The following WDFY4 variants were observed in gnomAD, a reference collection of about 807,000 sequenced individuals.
The protein encoded by WDFY4 is WD repeat- and FYVE domain-containing protein 4.
In WDFY4, 169 loss-of-function variants were observed where a neutral mutation model predicts 351.9. The observed-to-expected ratio is 0.48, with a 90% confidence interval of 0.42 to 0.55. WDFY4 has a LOEUF of 0.55. WDFY4 is among the 20% of genes least tolerant of loss of function. The pLI is 0.00. For missense variants in WDFY4, 3,803 were observed against 3,935.6 expected, an observed-to-expected ratio of 0.97 and a Z score of 0.90; for synonymous variants, 1,622 against 1,574.6, an observed-to-expected ratio of 1.03 and a Z score of -0.71.
Position 48,776,896 on chromosome 10 carries a change from T to A in WDFY4, c.3010T>A (p.Ser1004Thr). The stretch of plus-strand genomic sequence containing the variant: ...TCTTCAGACGGCGCTGAGCCTCATC[T>A]CCATGACCTCCCCACGCAACCTGCA... ...TALQTALSLI[S>T]MTSPRNLQPQ... Residue 1004 changes from serine to threonine, a missense_variant, in exon 16 of 62, where the codon TCC (serine) becomes ACC (threonine). Coordinates refer to ENST00000325239, the MANE Select transcript of WDFY4 (RefSeq NM_001394531.1). 6.4e-7 allele frequency: 1 copy of A among 1,552,076 alleles called. No homozygotes were observed. The highest frequency in any genetic ancestry group is 8.7e-7 in the Non-Finnish European group (1 of 1,147,058).
rs1263130455 is a variant in WDFY4 at position 48,877,029 on chromosome 10, G to A, written c.7001-4G>A. ...ACACCACGTGTCCCTTTATGCTGCT[G>A]CAGATGAACTGACACTGAGGGAGGC... is the stretch of plus-strand genomic sequence containing the variant. On this transcript the variant is annotated splice_region_variant and splice_polypyrimidine_tract_variant and intron_variant, in intron 42 of 61. Coordinates refer to ENST00000325239, the MANE Select transcript of WDFY4 (RefSeq NM_001394531.1). 6 of 1,477,728 alleles carry A rather than the reference G, an allele frequency of 4.1e-6. No individual in the cohort carries two copies. In the Admixed American group the frequency reaches 1.3e-4, roughly 31 times the overall value. The allele number at this position is 1,477,728 out of a possible 1,614,324, so 91.5% of individuals were successfully genotyped here.
chr10:48,970,199 A>C lies in WDFY4; in HGVS notation c.8838A>C (p.Thr2946=). The change falls in exon 57 of 62, where the codon ACA becomes ACC. Residue 2946 remains threonine, a synonymous_variant. Coordinates refer to ENST00000325239, the MANE Select transcript of WDFY4 (RefSeq NM_001394531.1). ...TGTGCGCCGTGTGCCCATCCCCAAC[A>C]ACGATTGTCACCTCTGGGACCAGCA... The part of the protein sequence containing the change: ...RCLCAVCPSP[T]TIVTSGTSTV... 1 of 1,551,656 alleles carries C rather than the reference A, an allele frequency of 6.4e-7. No individual in the cohort carries two copies. The highest frequency in any genetic ancestry group is 8.7e-7 in the Non-Finnish European group (1 of 1,146,986).
chr10:48,869,601 G>A (rs535174721), intron 40 of WDFY4, among the ~76,000 whole-genome samples: 4 of 151,436 alleles, frequency 2.6e-5, no homozygotes, highest in Non-Finnish European at 5.9e-5. Context: ...GTCTGGCCCT[G>A]TTCAGATTCC....
At chr10:48,761,426 C>T (rs2065501706) in intron 13 of WDFY4, among the ~76,000 whole-genome samples, 2 of 152,168 alleles carry the variant, frequency 1.3e-5, no homozygotes, top group South Asian at 2.1e-4. Context: ...TTAGGAGTCT[C>T]TGCCTGCGGT....
chr10:48,795,054 G>A (rs2066811001), intron 23 of WDFY4, among the ~76,000 whole-genome samples: 1 of 152,116 alleles, frequency 6.6e-6, no homozygotes, highest in African/African-American at 2.4e-5. Context: ...CCAGGGTTGG[G>A]GCAGTGGAAG....
At chr10:48,862,380 G>A (rs373087070) in intron 39 of WDFY4, among the ~76,000 whole-genome samples, 22 of 152,198 alleles carry the variant, frequency 1.4e-4, no homozygotes, top group South Asian at 6.2e-4. Context: ...CCATGGACCC[G>A]GTATCTGAGC....
chr10:48,691,990 T>C (rs2063207736), intron 1 of WDFY4, among the ~76,000 whole-genome samples: 2 of 152,170 alleles, frequency 1.3e-5, no homozygotes, highest in Admixed American at 6.5e-5. Flanking sequence ...GCCCTGAGAA[T>C]GCCTGTTCTT....
chr10:48,910,109 A>T, intron 47 of WDFY4: 2 of 854,464 alleles, frequency 2.3e-6, no homozygotes, highest in South Asian at 2.9e-5. Flanking sequence ...TGGCTTGGCC[A>T]GCTCCGGCGA....
At chr10:48,933,578 G>A (rs1476055346) in intron 47 of WDFY4, among the ~76,000 whole-genome samples, 1 of 152,164 alleles carries the variant, frequency 6.6e-6, no homozygotes, top group Admixed American at 6.5e-5. Flanking sequence ...CCTAGTCCAG[G>A]TCAAGCCCCA....
intron 12 of WDFY4, among the ~76,000 whole-genome samples, chr10:48,754,600 A>G (rs1358846754): frequency 6.6e-6 from 1 of 151,426 alleles, no homozygotes; most frequent in African/African-American, 2.4e-5. Flanking sequence ...ATGTTATATT[A>G]TACACAATAA....
At position 48,970,273 on chromosome 10, in the gene WDFY4, G is replaced by A; in HGVS notation, c.8912G>A (p.Gly2971Asp). Reference protein sequence around the residue: ...ELSMTKGRPRGLRLRQALYGH... With the variant: ...ELSMTKGRPRDLRLRQALYGH... The stretch of plus-strand genomic sequence containing the variant: ...AGCATGACCAAAGGCCGCCCGAGGG[G>A]CTTGCGCCTCCGGCAGGTATGGTCC... The change falls in exon 57 of 62, where the codon GGC becomes GAC. Residue 2971 changes from glycine (G) to aspartate (D), a missense_variant. Physicochemically the swap from Gly to Asp is moderately conservative, Grantham distance 94. Coordinates refer to ENST00000325239, the MANE Select transcript of WDFY4 (RefSeq NM_001394531.1). The A allele has an allele frequency of 6.4e-7, 1 of 1,551,110 alleles. No individual in the cohort carries two copies. The highest frequency in any genetic ancestry group is 8.7e-7 in the Non-Finnish European group (1 of 1,146,998).
rs561208527 is a variant in WDFY4, at chr10:48,775,105, G to A, written c.2768+433G>A. On this transcript the variant is annotated intron_variant, in intron 14 of 61. Transcript: ENST00000325239. Reference sequence around the variant, plus strand: ...CAGAACCCACCTGGATCCTCCAGGGGGCTTTCCTGCTGTCAGCCTCTACAT... The same window carrying A: ...CAGAACCCACCTGGATCCTCCAGGGAGCTTTCCTGCTGTCAGCCTCTACAT... Among the ~76,000 whole-genome samples, 4 of 152,326 alleles carry A rather than the reference G, an allele frequency of 2.6e-5. No homozygotes were observed. In the East Asian group the frequency reaches 5.8e-4, roughly 22 times the overall value.
intron 17 of WDFY4, 114 bp from the exon 18 acceptor site, chr10:48,778,497 G>T (rs2066110518): frequency 4.7e-6 from 5 of 1,053,828 alleles, no homozygotes; most frequent in Non-Finnish European, 6.9e-6. Context: ...TGGTGATTAG[G>T]CAAGACACCC....
intron 47 of WDFY4, chr10:48,914,050 T>G: frequency 6.2e-7 from 1 of 1,614,230 alleles, no homozygotes; most frequent in African/African-American, 1.3e-5. Flanking sequence ...ATTCCCATCT[T>G]GCTCAAGTCA....
At position 48,723,536 on chromosome 10, in the gene WDFY4, G is replaced by C; in HGVS notation, c.560G>C (p.Ser187Thr). 6.4e-7 allele frequency: 1 copy of C among 1,551,968 alleles called. No individual in the cohort carries two copies. Among genetic ancestry groups the C allele is most frequent in the African/African-American group, 1.4e-5 (1 of 73,162 alleles). ...FPLDKDELLE[S>T]DLQVQKMFVQ... Reference sequence around the variant, plus strand: ...CTGGACAAAGATGAGCTTCTTGAGAGTGATCTTCAAGTTCAAAAGATGTTC... The same window carrying C: ...CTGGACAAAGATGAGCTTCTTGAGACTGATCTTCAAGTTCAAAAGATGTTC... Residue 187 changes from serine (S) to threonine (T), a missense_variant, in exon 5 of 62, where the codon AGT (serine) becomes ACT (threonine). Around this residue, in one of 3 missense-constraint regions of WDFY4, gnomAD observed 488 missense variants for 456.8 expected, o/e 1.07. Transcript: ENST00000325239.
At chr10:48,769,398 G>A (rs1373292106) in intron 13 of WDFY4, among the ~76,000 whole-genome samples, 2 of 152,172 alleles carry the variant, frequency 1.3e-5, no homozygotes, top group African/African-American at 4.8e-5. Flanking sequence ...AAGCTCATCC[G>A]TAGGCCCCAT....
chr10:48,693,952 A>G (rs1204465448), intron 1 of WDFY4, among the ~76,000 whole-genome samples: 1 of 152,188 alleles, frequency 6.6e-6, no homozygotes, highest in Non-Finnish European at 1.5e-5. Flanking sequence ...TTGTGCTTTG[A>G]TGAATCCGGA....
intron 47 of WDFY4, among the ~76,000 whole-genome samples, chr10:48,903,337 T>A (rs1021792999): frequency 1.3e-5 from 2 of 152,092 alleles, no homozygotes; most frequent in Non-Finnish European, 2.9e-5. Context: ...TGATGTGAAC[T>A]GACATATTAA....
At chr10:48,755,461 T>G (rs1198244494) in intron 12 of WDFY4, among the ~76,000 whole-genome samples, 1 of 152,198 alleles carries the variant, frequency 6.6e-6, no homozygotes, top group Non-Finnish European at 1.5e-5. Flanking sequence ...GCCATGAAGA[T>G]TTTCTCCTAT....
Sources: gnomAD v4.1 joint callset for allele counts (sites outside exome capture counted in the v4.1 genomes callset) on GRCh38, gnomAD v4.1.1 for gene constraint, gnomAD v4.1.1 regional missense constraint, MANE v1.5 for transcripts, NCBI Gene and HGNC (gene_info 2026-07-23, HGNC 2026-07-21) for gene names.